Variants in CALCOCO2 observed in about 807,000 individuals in gnomAD.
The protein encoded by CALCOCO2 is calcium binding and coiled-coil domain 2.
Under a neutral mutation model 62.5 loss-of-function variants are expected in CALCOCO2, and 42 were observed. That is an observed-to-expected ratio of 0.67 (90% CI 0.53 to 0.87). The LOEUF is 0.87. CALCOCO2 is among the 40% of genes least tolerant of loss of function. The pLI, the probability that CALCOCO2 is intolerant of heterozygous loss-of-function variation, is 0.00. For synonymous variants in CALCOCO2, 167 were observed against 173.0 expected (o/e 0.97, Z 0.27); for missense variants, 456 against 515.0 (o/e 0.89, Z 1.11).
At chr17:48,856,003 C>T in intron 9 of CALCOCO2, 89 bp from the exon 10 acceptor site, 1 of 567,340 alleles carries the variant, frequency 1.8e-6, no homozygotes, top group African/African-American at 1.9e-5. Context: ...AGTCTCCCCG[C>T]TTTGCAATGC....
chr17:48,838,760 A>G (rs148689357), intron 1 of CALCOCO2, among the ~76,000 whole-genome samples: 1 of 152,254 alleles, frequency 6.6e-6, no homozygotes, highest in Non-Finnish European at 1.5e-5. Flanking sequence ...CTGTATGTGT[A>G]CACAATCTTC....
intron 7 of CALCOCO2, 180 bp from the exon 8 acceptor site, chr17:48,852,326 A>G: frequency 1.8e-6 from 1 of 562,526 alleles, no homozygotes; most frequent in Non-Finnish European, 3.2e-6. Flanking sequence ...AACTGCTCTC[A>G]TTTTTAGGAA....
At chr17:48,844,150 T>G (rs578161378) in intron 2 of CALCOCO2, 2 of 152,272 alleles carry the variant, frequency 1.3e-5, no homozygotes, top group Non-Finnish European at 2.9e-5. Context: ...CCCAAAGTGC[T>G]GGGATTACAG....
At chr17:48,861,587 A>C (rs4302095) in intron 11 of CALCOCO2, among the ~76,000 whole-genome samples, 148,067 of 148,164 alleles carry the variant, frequency 1, 73,985 homozygotes, top group Middle Eastern at 1. Flanking sequence ...ATTTTCCCCA[A>C]TCTGAAAATA....
At chr17:48,845,402 TGTGTGTGTGTGTGTG>T (rs2040037892) in intron 2 of CALCOCO2, among the ~76,000 whole-genome samples, 1 of 144,650 alleles carries the variant, frequency 6.9e-6, no homozygotes, top group East Asian at 2.0e-4. Context: ...TGTGTGTGTG[TGTGTGTGTGTGTGTG>T]TGTGTATTGC....
chr17:48,846,080 G>A, intron 2 of CALCOCO2: 1 of 1,434,508 alleles, frequency 7.0e-7, no homozygotes, highest in Non-Finnish European at 9.4e-7. Flanking sequence ...CCAGACACTG[G>A]TAGTATCTGG....
chr17:48,833,933 A>G (rs1254114703), intron 1 of CALCOCO2, among the ~76,000 whole-genome samples: 4 of 152,060 alleles, frequency 2.6e-5, no homozygotes, highest in Non-Finnish European at 5.9e-5. Flanking sequence ...GTTCAAGACC[A>G]GCCTGGGCAA....
chr17:48,858,064 T>C (rs191690845), intron 10 of CALCOCO2, among the ~76,000 whole-genome samples: 62 of 142,586 alleles, frequency 4.3e-4, no homozygotes, highest in Non-Finnish European at 6.4e-4. Context: ...TAGAATAGAA[T>C]AGAATAGAAT....
At chr17:48,859,922 C>T (rs1204167029) in intron 10 of CALCOCO2, among the ~76,000 whole-genome samples, 4 of 152,002 alleles carry the variant, frequency 2.6e-5, no homozygotes, top group African/African-American at 7.3e-5. Flanking sequence ...TGGTGAAACC[C>T]GTCTCTACTA....
At position 48,848,453 on chromosome 17, in the gene CALCOCO2, C is replaced by G. The variant is rs1359890605; in HGVS notation, c.415C>G (p.Gln139Glu). 1 of 1,613,754 alleles carries G rather than the reference C, an allele frequency of 6.2e-7. No individual in the cohort carries two copies. Among genetic ancestry groups the G allele is most frequent in the South Asian group, 1.1e-5 (1 of 91,064 alleles). Reference protein sequence around the residue: ...NEEDILVVTTQGEVEEIEQHN... With the variant: ...NEEDILVVTTEGEVEEIEQHN... Reference sequence around the variant, plus strand: ...GGAAGACATCCTGGTTGTTACCACTCAGGTTTGTAAAACTTCTCACCTCAA... The same window carrying G: ...GGAAGACATCCTGGTTGTTACCACTGAGGTTTGTAAAACTTCTCACCTCAA... The change falls in exon 4 of 13, where the codon CAG becomes GAG. Residue 139 changes from glutamine to glutamate, a missense_variant and splice_region_variant. Gln to Glu is a conservative substitution (Grantham distance 29). Transcript: ENST00000258947.
intron 1 of CALCOCO2, among the ~76,000 whole-genome samples, chr17:48,833,559 A>G (rs999905012): frequency 4.6e-5 from 7 of 151,250 alleles, no homozygotes; most frequent in African/African-American, 7.3e-5. Context: ...AAAAAAAAAA[A>G]AAAGAAAGAA....
chr17:48,858,655 T>G (rs775506359), intron 10 of CALCOCO2, among the ~76,000 whole-genome samples: 1 of 151,908 alleles, frequency 6.6e-6, no homozygotes, highest in Non-Finnish European at 1.5e-5. Flanking sequence ...AATTTATACC[T>G]TGAGTTTGAA....
At position 48,849,463 on chromosome 17, in the gene CALCOCO2, C is replaced by T; in HGVS notation, c.543+86C>T. ...TATCCAGCACCATATTCTGTTTTGCCTGTGATCTCACCTTCTTATACCAGT... is the reference window on the plus strand; with the variant it reads ...TATCCAGCACCATATTCTGTTTTGCTTGTGATCTCACCTTCTTATACCAGT... On this transcript the variant is annotated intron_variant, in intron 5 of 12. Coordinates refer to ENST00000258947, the MANE Select transcript of CALCOCO2 (RefSeq NM_005831.5). 7 of 1,187,442 alleles carry T rather than the reference C, an allele frequency of 5.9e-6. No individual in the cohort carries two copies. In the South Asian group the frequency reaches 9.7e-5, roughly 16 times the overall value. 73.6% of individuals were successfully genotyped at this position (1,187,442 alleles called of 1,614,324 possible). A position where few individuals can be genotyped will look rare whatever the true frequency, so the allele number is the denominator to read the frequency against.
At chr17:48,833,661 A>C (rs2039848806) in intron 1 of CALCOCO2, among the ~76,000 whole-genome samples, 1 of 152,124 alleles carries the variant, frequency 6.6e-6, no homozygotes, top group East Asian at 1.9e-4. Flanking sequence ...ATTGATTTGC[A>C]TGTCTTTCTT....
chr17:48,841,786 A>G lies in CALCOCO2; in HGVS notation c.79A>G (p.Ser27Gly). Residue 27 changes from serine (S) to glycine (G), a missense_variant, in exon 2 of 13, where the codon AGT becomes GGT. Transcript: ENST00000258947. ...TCATTTCTCTCAGGTCATCTTTAAC[A>G]GTGTGGAGAAGTTCTACATCCCTGG... ...HCHFSQVIFN[S>G]VEKFYIPGGD... 1 of 1,613,342 alleles carries G rather than the reference A, an allele frequency of 6.2e-7. No individual in the cohort carries two copies. Among genetic ancestry groups the G allele is most frequent in the Non-Finnish European group, 8.5e-7 (1 of 1,179,282 alleles).
intron 1 of CALCOCO2, among the ~76,000 whole-genome samples, chr17:48,834,072 A>G (rs773658372): frequency 2.0e-4 from 29 of 143,060 alleles, no homozygotes; most frequent in Non-Finnish European, 3.7e-4. Context: ...AGCCACATTC[A>G]TGCCATTGCA....
intron 1 of CALCOCO2, among the ~76,000 whole-genome samples, chr17:48,840,842 A>G (rs612720): frequency 0.49 from 75,131 of 151,962 alleles, 19,129 homozygotes; most frequent in East Asian, 0.85. Context: ...AAAAACCCAC[A>G]ACTACAACAG....
intron 2 of CALCOCO2, among the ~76,000 whole-genome samples, chr17:48,846,897 G>C (rs1356099472): frequency 1.3e-5 from 2 of 152,120 alleles, no homozygotes; most frequent in Non-Finnish European, 2.9e-5. Flanking sequence ...AGACACAATA[G>C]CTTCCTTTCT....
intron 1 of CALCOCO2, chr17:48,841,452 G>GTA: frequency 2.8e-6 from 1 of 358,042 alleles, no homozygotes; most frequent in Non-Finnish European, 5.1e-6. Flanking sequence ...CTCTGTTCAT[G>GTA]TGAGGGTTGT....
Sources: allele counts gnomAD v4.1 joint callset (sites outside exome capture counted in the v4.1 genomes callset), GRCh38; gene constraint gnomAD v4.1.1; transcripts MANE v1.5; gene names NCBI Gene and HGNC (gene_info 2026-07-23, HGNC 2026-07-21).